Variants in AKAP8L observed in about 807,000 individuals in gnomAD.
AKAP8L encodes the protein A-kinase anchor protein 8-like.
In AKAP8L, 34 loss-of-function variants were observed where a neutral mutation model predicts 77.5. The observed-to-expected ratio is 0.44, with a 90% confidence interval of 0.33 to 0.58. AKAP8L has a LOEUF of 0.58. Ranked by LOEUF, AKAP8L falls within the 20% of genes least tolerant of loss-of-function variation. The pLI is 0.02. For missense variants in AKAP8L, 806 were observed against 887.6 expected (o/e 0.91, Z 1.17); for synonymous variants, 342 against 340.7 (o/e 1.00, Z -0.04).
At position 15,399,090 on chromosome 19, in the gene AKAP8L, C is replaced by T. The variant is rs377368299; in HGVS notation, c.1157+212G>A. ...GCGGTGTCAGGTCTCGGCCCACAGA[C>T]GCCAGCGGTCGCCAGGCGGCCGCAG... On this transcript the variant is annotated intron_variant, in intron 9 of 13. Coordinates refer to ENST00000397410, the MANE Select transcript of AKAP8L (RefSeq NM_014371.4). The surrounding 1 kb of genome is among the most constrained non-coding windows in gnomAD (Gnocchi z 6.1). 109 of 580,996 alleles carry T rather than the reference C, an allele frequency of 1.9e-4. No homozygotes were observed. The highest frequency in any genetic ancestry group is 1.7e-3 in the East Asian group (55 of 33,330). The allele number at this position is 580,996 out of a possible 1,614,324, so 36.0% of individuals were successfully genotyped here.
At chr19:15,383,346 A>T (rs1967458447) in intron 12 of AKAP8L, 1 of 152,054 alleles carries the variant, frequency 6.6e-6, no homozygotes, top group Non-Finnish European at 1.5e-5. Context: ...AGTAGCTGGG[A>T]CTATAGGCAC....
chr19:15,381,376 A>G (rs115832418), intron 12 of AKAP8L, among the ~76,000 whole-genome samples: 2,189 of 152,292 alleles, frequency 0.014, 52 homozygotes, highest in African/African-American at 0.051. Context: ...GGCATAAGAA[A>G]GGTGTATAAT....
chr19:15,411,809 T>G (rs537960684), intron 1 of AKAP8L, among the ~76,000 whole-genome samples: 1 of 152,260 alleles, frequency 6.6e-6, no homozygotes, highest in East Asian at 1.9e-4. Context: ...TCACAGTACT[T>G]TGGGAGGCCA....
At chr19:15,400,542 GC>G in intron 7 of AKAP8L, 184 bp from the exon 8 acceptor site, 1 of 723,342 alleles carries the variant, frequency 1.4e-6, no homozygotes. Context: ...AAATGACAAG[GC>G]CCGGCTATGT....
At chr19:15,384,210 C>T (rs562306679) in intron 12 of AKAP8L, among the ~76,000 whole-genome samples, 85 of 151,598 alleles carry the variant, frequency 5.6e-4, no homozygotes, top group Non-Finnish European at 9.9e-4. Context: ...GGATTATAGG[C>T]GTGAGCCACC....
At position 15,399,428 on chromosome 19, in the gene AKAP8L, C is replaced by G; in HGVS notation, c.1049-18G>C. ...TAGGGCCCCTGTGGGAGCAGATGGG[C>G]ACTGTCACCAATTTGGCTCTGCCAG... On this transcript the variant is annotated intron_variant, in intron 8 of 13. Coordinates refer to ENST00000397410, the MANE Select transcript of AKAP8L (RefSeq NM_014371.4). This position sits in a 1 kb window ranked among gnomAD's most constrained non-coding sequence, Gnocchi z 6.1. 5 of 1,594,940 alleles carry G rather than the reference C, an allele frequency of 3.1e-6. No individual in the cohort carries two copies. Among genetic ancestry groups the G allele is most frequent in the Non-Finnish European group, 4.3e-6 (5 of 1,162,840 alleles).
chr19:15,380,780 T>G, intron 12 of AKAP8L, 168 bp from the exon 13 acceptor site: 1 of 610,654 alleles, frequency 1.6e-6, no homozygotes, highest in Middle Eastern at 4.2e-4. Flanking sequence ...CTATCTGATC[T>G]TTGTTCAAAT....
intron 12 of AKAP8L, among the ~76,000 whole-genome samples, chr19:15,391,697 C>G (rs1967666536): frequency 6.6e-6 from 1 of 151,544 alleles, no homozygotes; most frequent in Admixed American, 6.6e-5. Flanking sequence ...CGCCACCACA[C>G]CTGGCTAATT....
intron 2 of AKAP8L, among the ~76,000 whole-genome samples, chr19:15,406,400 A>AGAGAGAGAGAGG (rs1183555648): frequency 4.8e-5 from 7 of 146,432 alleles, no homozygotes; most frequent in African/African-American, 1.7e-4. Context: ...AGAGAGAGAG[A>AGAGAGAGAGAGG]GAGATCCTTA....
chr19:15,415,907 A>G (rs2145154359), intron 1 of AKAP8L, among the ~76,000 whole-genome samples: 1 of 141,588 alleles, frequency 7.1e-6, no homozygotes, highest in South Asian at 2.3e-4. Context: ...CAAAAAAAAA[A>G]TCCCAGAGTC....
intron 12 of AKAP8L, among the ~76,000 whole-genome samples, chr19:15,396,829 C>T (rs760265702): frequency 2.0e-5 from 3 of 152,192 alleles, no homozygotes; most frequent in Non-Finnish European, 4.4e-5. Context: ...TCCTGAGCCT[C>T]AAGCCCAACC....
rs1381642633 is a variant in AKAP8L, at chr19:15,403,380, C to G, written c.362+95G>C. On this transcript the variant is annotated intron_variant, in intron 4 of 13. Coordinates refer to ENST00000397410, the MANE Select transcript of AKAP8L (RefSeq NM_014371.4). The surrounding 1 kb of genome is among the most constrained non-coding windows in gnomAD (Gnocchi z 4.3). The stretch of plus-strand genomic sequence containing the variant: ...GCAGCACCAAGCAGCGGGGAGGAAG[C>G]AGACACAGAGGGGCACTCAGAGAGG... 2 of 1,207,298 alleles carry G rather than the reference C, an allele frequency of 1.7e-6. No homozygotes were observed. Among genetic ancestry groups the G allele is most frequent in the Admixed American group, 1.8e-5 (1 of 56,534 alleles). The allele number at this position is 1,207,298 out of a possible 1,614,324, so 74.8% of individuals were successfully genotyped here.
In AKAP8L at chr19:15,397,861, A is replaced by G. The variant is rs369830768; in HGVS notation, c.1158-6T>C. On this transcript the variant is annotated splice_region_variant and splice_polypyrimidine_tract_variant and intron_variant, in intron 9 of 13. Coordinates refer to ENST00000397410, the MANE Select transcript of AKAP8L (RefSeq NM_014371.4). This position sits in a 1 kb window ranked among gnomAD's most constrained non-coding sequence, Gnocchi z 4.7. ...GAGAACACACAAACTGGATCCTGCC[A>G]CAGGAAGGAAACGAGGGGCTGAGGC... is the stretch of plus-strand genomic sequence containing the variant. 34 of 1,613,356 alleles carry G rather than the reference A, an allele frequency of 2.1e-5. No homozygotes were observed. In the African/African-American group the frequency reaches 4.4e-4, roughly 21 times the overall value.
intron 1 of AKAP8L, among the ~76,000 whole-genome samples, chr19:15,412,326 G>C (rs1211500380): frequency 6.6e-6 from 1 of 152,214 alleles, no homozygotes; most frequent in Non-Finnish European, 1.5e-5. Context: ...AGATTGCAGT[G>C]AGTGGAGATC....
Position 15,380,252 on chromosome 19 carries a change from G to A in AKAP8L, c.1811C>T (p.Pro604Leu). 2 of 1,497,288 alleles carry A rather than the reference G, an allele frequency of 1.3e-6. No individual in the cohort carries two copies. Among genetic ancestry groups the A allele is most frequent in the Non-Finnish European group, 8.8e-7 (1 of 1,133,802 alleles). 92.8% of individuals were successfully genotyped at this position (1,497,288 alleles called of 1,614,324 possible). A position where few individuals can be genotyped will look rare whatever the true frequency, so the allele number is the denominator to read the frequency against. ...CTCCTCCTCCTCTGGGGGCGGCGGC[G>A]GTGGCGGCGACACGGCCCCGGGGGC... ...EPAPGAVSPPPPPPPEEEEEG... is the reference protein window; with the variant it reads ...EPAPGAVSPPLPPPPEEEEEG... The change falls in exon 14 of 14, where the codon CCG (proline) becomes CTG (leucine). Residue 604 changes from proline (P) to leucine (L), a missense_variant. Physicochemically the swap from Pro to Leu is moderately conservative, Grantham distance 98. Around this residue, in one of 2 missense-constraint regions of AKAP8L, gnomAD observed 226 missense variants for 193.5 expected, o/e 1.17. Transcript: ENST00000397410.
rs1967928900 is a variant in AKAP8L, at chr19:15,403,028, G to GC, written c.362+446dup. Among the ~76,000 whole-genome samples, 1 of 152,154 alleles carries GC rather than the reference G, an allele frequency of 6.6e-6. No homozygotes were observed. Among genetic ancestry groups the GC allele is most frequent in the African/African-American group, 2.4e-5 (1 of 41,438 alleles). ...GAGTAACCAGGAAATGCCCACACCT[G>GC]CCCCGACCCTTACGTGGGGGTGGCC... On this transcript the variant is annotated intron_variant, in intron 4 of 13. Transcript: ENST00000397410. The surrounding 1 kb of genome is among the most constrained non-coding windows in gnomAD (Gnocchi z 4.3).
intron 1 of AKAP8L, among the ~76,000 whole-genome samples, chr19:15,418,511 G>C (rs1323605515): frequency 6.6e-6 from 1 of 152,224 alleles, no homozygotes; most frequent in Non-Finnish European, 1.5e-5. Flanking sequence ...GCGCGGGGGA[G>C]GACGCGACAA....
chr19:15,382,619 A>T (rs1341636080), intron 12 of AKAP8L, among the ~76,000 whole-genome samples: 1 of 152,138 alleles, frequency 6.6e-6, no homozygotes, highest in Non-Finnish European at 1.5e-5. Flanking sequence ...TACTCCAAAA[A>T]CCCAAAATCT....
chr19:15,394,029 G>A (rs1042486710), intron 12 of AKAP8L, among the ~76,000 whole-genome samples: 1 of 152,008 alleles, frequency 6.6e-6, no homozygotes, highest in African/African-American at 2.4e-5. Context: ...AGTCTCACAA[G>A]TTAAAGTGTT....
Sources: gnomAD v4.1 joint callset for allele counts (sites outside exome capture counted in the v4.1 genomes callset) on GRCh38, gnomAD v4.1.1 for gene constraint, gnomAD v4.1.1 regional missense constraint, Gnocchi (gnomAD v3.1) non-coding constraint, MANE v1.5 for transcripts, NCBI Gene and HGNC (gene_info 2026-07-23, HGNC 2026-07-21) for gene names.